The following CTCF variants were observed in gnomAD, a reference collection of about 807,000 sequenced individuals.
CTCF encodes transcriptional repressor CTCF.
Under a neutral mutation model 72.3 loss-of-function variants are expected in CTCF, and 7 were observed. The ratio of observed to expected loss-of-function variants is 0.10; its 90% CI spans 0.06 to 0.18. The LOEUF is 0.18. CTCF is among the 10% of genes least tolerant of loss of function. The pLI, the probability that CTCF is intolerant of heterozygous loss-of-function variation, is 1.00. For missense variants in CTCF, 516 were observed against 949.1 expected (o/e 0.54, Z 6.00); for synonymous variants, 374 against 315.8 (o/e 1.18, Z -1.95).
intron 1 of CTCF, among the ~76,000 whole-genome samples, chr16:67,568,837 G>A (rs1489664135): frequency 1.3e-5 from 2 of 150,770 alleles, no homozygotes; most frequent in African/African-American, 4.9e-5. Flanking sequence ...TATATTATTT[G>A]GAAACTCTTT....
intron 5 of CTCF, among the ~76,000 whole-genome samples, chr16:67,618,197 G>T (rs954921648): frequency 6.6e-5 from 10 of 152,138 alleles, no homozygotes; most frequent in Non-Finnish European, 1.5e-4. Flanking sequence ...CTGAGGTCAG[G>T]AGTTGACCAG....
chr16:67,567,097 C>T (rs956344424), intron 1 of CTCF, among the ~76,000 whole-genome samples: 2 of 152,140 alleles, frequency 1.3e-5, no homozygotes, highest in Non-Finnish European at 2.9e-5. Flanking sequence ...CTGCCTTGGC[C>T]TCCCAAAGTG....
intron 2 of CTCF, among the ~76,000 whole-genome samples, chr16:67,582,771 GA>G (rs1010147273): frequency 1.3e-5 from 2 of 151,908 alleles, no homozygotes; most frequent in Non-Finnish European, 2.9e-5. Flanking sequence ...TAGACTTTGA[GA>G]TTTTTTTTTT....
chr16:67,577,193 C>G (rs992154092), intron 2 of CTCF, among the ~76,000 whole-genome samples: 2 of 151,322 alleles, frequency 1.3e-5, no homozygotes, highest in Non-Finnish European at 2.9e-5. Flanking sequence ...CCGAGGTGGG[C>G]GGATCACGAG....
rs1198816584 is a variant in CTCF, at chr16:67,624,145, G to GTA, written c.1358-2404_1358-2403dup. On this transcript the variant is annotated intron_variant, in intron 7 of 11. Coordinates refer to ENST00000264010, the MANE Select transcript of CTCF (RefSeq NM_006565.4). ...TGTGTGTATATATATGTGTGTGTGT[G>GTA]TATATATGTGTGTATATATATATGT... 1.4e-4 allele frequency among the ~76,000 whole-genome samples: 20 copies of GTA among 145,904 alleles called. No homozygotes were observed. The East Asian group carries it at 3.5e-3, about 26-fold the overall frequency.
chr16:67,595,845 A>C (rs1364679592), intron 2 of CTCF, among the ~76,000 whole-genome samples: 2 of 152,116 alleles, frequency 1.3e-5, no homozygotes, highest in Non-Finnish European at 2.9e-5. Flanking sequence ...TTAAAGCACT[A>C]TTTTTGATGT....
At position 67,625,042 on chromosome 16, in the gene CTCF, AT is replaced by A. The variant is rs368577451; in HGVS notation, c.1358-1509del. On this transcript the variant is annotated intron_variant, in intron 7 of 11. Transcript: ENST00000264010. ...CTGGTTTAAATGATTCTCCTTCCTC[AT>A]TTTCCCGAGTAGCTGGGACCACAGG... Among the ~76,000 whole-genome samples the A allele has an allele frequency of 1.8e-3, 272 of 151,586 alleles. 3 individuals are homozygous for A. The Middle Eastern group carries it at 0.034, about 19-fold the overall frequency.
At chr16:67,585,058 T>G (rs540099099) in intron 2 of CTCF, among the ~76,000 whole-genome samples, 3 of 152,276 alleles carry the variant, frequency 2.0e-5, no homozygotes, top group Non-Finnish European at 4.4e-5. Flanking sequence ...TTGTTTTTTA[T>G]TTTTTAGACA....
chr16:67,623,601 C>T (rs2052233809), intron 7 of CTCF, among the ~76,000 whole-genome samples: 1 of 151,340 alleles, frequency 6.6e-6, no homozygotes, highest in Non-Finnish European at 1.5e-5. Context: ...TGCCACTGCA[C>T]TCCAGCTTGG....
At chr16:67,588,572 C>T (rs1043999168) in intron 2 of CTCF, among the ~76,000 whole-genome samples, 1 of 152,110 alleles carries the variant, frequency 6.6e-6, no homozygotes, top group African/African-American at 2.4e-5. Flanking sequence ...GGGAGGCAGC[C>T]TCCTGTTGGT....
intron 2 of CTCF, among the ~76,000 whole-genome samples, chr16:67,584,688 TTACTCAAATTGATAACCTA>T (rs1208359666): frequency 1.3e-5 from 2 of 152,062 alleles, no homozygotes; most frequent in Admixed American, 1.3e-4. Flanking sequence ...CCTATAAGTA[TTACTCAAATTGATAACCTA>T]ATAAAACTGT....
chr16:67,584,350 T>C (rs2051635752), intron 2 of CTCF, among the ~76,000 whole-genome samples: 1 of 146,600 alleles, frequency 6.8e-6, no homozygotes, highest in Non-Finnish European at 1.5e-5. Context: ...TTTTTTTTTT[T>C]TTTTTTTTGA....
At chr16:67,608,090 C>G (rs1788943859) in intron 2 of CTCF, among the ~76,000 whole-genome samples, 1 of 149,902 alleles carries the variant, frequency 6.7e-6, no homozygotes, top group Non-Finnish European at 1.5e-5. Flanking sequence ...TTTGGGAGGC[C>G]GAGGCAGGCG....
chr16:67,577,435 CTT>C (rs111728249), intron 2 of CTCF, among the ~76,000 whole-genome samples: 29 of 140,194 alleles, frequency 2.1e-4, no homozygotes, highest in African/African-American at 4.2e-4. Flanking sequence ...GTCTAGACTT[CTT>C]TTTTTTTTTT....
Position 67,602,928 on chromosome 16 carries a change from G to A in CTCF, c.-9-7896G>A, listed in dbSNP as rs138878270. ...TAAATTGCAAAATCTAATTCTGTGG[G>A]TCAAGGGTGGGACCTGAAGTTCTGT... On this transcript the variant is annotated intron_variant, in intron 2 of 11. Transcript: ENST00000264010. Among the ~76,000 whole-genome samples, 492 of 152,132 alleles carry A rather than the reference G, an allele frequency of 3.2e-3. 2 individuals are homozygous for A. The highest frequency in any genetic ancestry group is 4.9e-3 in the Non-Finnish European group (330 of 67,998).
intron 11 of CTCF, 111 bp from the exon 12 acceptor site, chr16:67,637,577 A>T: frequency 2.4e-6 from 2 of 826,982 alleles, no homozygotes; most frequent in Non-Finnish European, 1.9e-6. Context: ...ACCGCTATCT[A>T]ATAAGGCTGT....
chr16:67,620,190 C>T (rs1000866367), intron 5 of CTCF, among the ~76,000 whole-genome samples: 2 of 151,976 alleles, frequency 1.3e-5, no homozygotes, highest in Admixed American at 6.6e-5. Flanking sequence ...CCAGCTTAAA[C>T]AGTTACTAGT....
intron 2 of CTCF, among the ~76,000 whole-genome samples, chr16:67,604,184 CTG>C (rs2142800321): frequency 6.6e-6 from 1 of 150,740 alleles, no homozygotes; most frequent in African/African-American, 2.4e-5. Flanking sequence ...GTGGCATAAA[CTG>C]TAGTCCTAGC....
chr16:67,584,186 G>C lies in CTCF; in HGVS notation c.-10+12922G>C, dbSNP rs1278679651. Among the ~76,000 whole-genome samples the C allele has an allele frequency of 3.3e-5, 5 of 151,842 alleles. 1 individual carries two copies. The highest frequency in any genetic ancestry group is 5.9e-5 in the Non-Finnish European group (4 of 67,974). Reference sequence around the variant, plus strand: ...AGGAGTTCGAGACTAGCTGGGCATGGTGGTGGGCACCTGTAATCCCAGCTA... The same window carrying C: ...AGGAGTTCGAGACTAGCTGGGCATGCTGGTGGGCACCTGTAATCCCAGCTA... On this transcript the variant is annotated intron_variant, in intron 2 of 11. Coordinates refer to ENST00000264010, the MANE Select transcript of CTCF (RefSeq NM_006565.4).
Sources: gnomAD v4.1 joint callset for allele counts (sites outside exome capture counted in the v4.1 genomes callset) on GRCh38, gnomAD v4.1.1 for gene constraint, MANE v1.5 for transcripts, NCBI Gene and HGNC (gene_info 2026-07-23, HGNC 2026-07-21) for gene names.